The following IL17D variants were observed in gnomAD, a reference collection of about 807,000 sequenced individuals.
IL17D encodes interleukin-17D.
Under a neutral mutation model 5.7 loss-of-function variants are expected in IL17D, and 10 were observed. The observed-to-expected ratio is 1.75, with a 90% CI of 1.08 to 2.97. The LOEUF (loss-of-function observed/expected upper bound fraction) is 2.97. Among genes scored for constraint, IL17D ranks in the 30% most tolerant of loss-of-function variants. IL17D has a pLI of 0.00. For synonymous variants in IL17D, 172 were observed against 141.7 expected (o/e 1.21, Z -1.52); for missense variants, 354 against 292.7 (o/e 1.21, Z -1.53).
At chr13:20,701,902 C>G (rs538000598), upstream of IL17D, 1 of 152,172 alleles carries the variant, frequency 6.6e-6, no homozygotes, top group African/African-American at 2.4e-5. Context: ...CTTCCCACTT[C>G]CAAGGTAATC....
intron 1 of IL17D, among the ~76,000 whole-genome samples, chr13:20,708,512 G>A (rs1013330228): frequency 2.0e-5 from 3 of 152,160 alleles, no homozygotes; most frequent in African/African-American, 7.2e-5. Flanking sequence ...TGGAGTGGAG[G>A]AGGCCCTATT....
rs986955710 is a variant in IL17D, at chr13:20,722,897, C to G, written c.*943C>G. ...GCAGGTATTGGCTTAGTTGTAAGGGCTTTAGGATCAGGCTGAATATGAGGA... is the reference window on the plus strand; with the variant it reads ...GCAGGTATTGGCTTAGTTGTAAGGGGTTTAGGATCAGGCTGAATATGAGGA... On this transcript the variant is annotated 3_prime_UTR_variant, in exon 2 of 2. Transcript: ENST00000682841. 6.6e-6 allele frequency: 1 copy of G among 152,158 alleles called. No homozygotes were observed. Among genetic ancestry groups the G allele is most frequent in the Non-Finnish European group, 1.5e-5 (1 of 68,040 alleles). The allele number at this position is 152,158 out of a possible 1,614,324, so 9.4% of individuals were successfully genotyped here. A position where few individuals can be genotyped will look rare whatever the true frequency, so the allele number is the denominator to read the frequency against.
At chr13:20,711,188 G>C (rs886960554) in intron 1 of IL17D, among the ~76,000 whole-genome samples, 1 of 152,072 alleles carries the variant, frequency 6.6e-6, no homozygotes, top group South Asian at 2.1e-4. Context: ...CACTTGAACT[G>C]GGGAGGTGGA....
intron 1 of IL17D, among the ~76,000 whole-genome samples, chr13:20,710,548 G>A (rs1171403115): frequency 2.1e-5 from 3 of 139,838 alleles, no homozygotes; most frequent in Non-Finnish European, 4.6e-5. Flanking sequence ...AGAATCACTT[G>A]AACCTGGGAG....
In IL17D at chr13:20,703,723, G is replaced by C. The variant is rs2058562585; in HGVS notation, c.-279G>C. On this transcript the variant is annotated 5_prime_UTR_variant, in exon 1 of 2. Transcript: ENST00000682841. ...CACGCGCGCCCCGCACCCGCCCCCC[G>C]TGCGGCCCCCGGCTCGGGGCGGCGG... is the stretch of plus-strand genomic sequence containing the variant. The C allele has an allele frequency of 2.0e-5, 3 of 147,322 alleles. No homozygotes were observed. Among genetic ancestry groups the C allele is most frequent in the Admixed American group, 1.4e-4 (2 of 14,810 alleles). 9.1% of individuals were successfully genotyped at this position (147,322 alleles called of 1,614,324 possible). A position where few individuals can be genotyped will look rare whatever the true frequency, so the allele number is the denominator to read the frequency against.
In IL17D at chr13:20,722,987, C is replaced by T. The variant is rs1331283747; in HGVS notation, c.*1033C>T. Reference sequence around the variant, plus strand: ...AGGCTTCTGTTTCTGCATTCTGCCACGAGAGCTAGGTCCTTGATCTTTTCT... The same window carrying T: ...AGGCTTCTGTTTCTGCATTCTGCCATGAGAGCTAGGTCCTTGATCTTTTCT... On this transcript the variant is annotated 3_prime_UTR_variant, in exon 2 of 2. Coordinates refer to ENST00000682841, the MANE Select transcript of IL17D (RefSeq NM_001385224.1). 3.9e-5 allele frequency: 6 copies of T among 152,164 alleles called. No homozygotes were observed. The highest frequency in any genetic ancestry group is 5.9e-5 in the Non-Finnish European group (4 of 68,038). The allele number at this position is 152,164 out of a possible 1,614,324, so 9.4% of individuals were successfully genotyped here.
intron 1 of IL17D, among the ~76,000 whole-genome samples, chr13:20,718,328 C>T (rs995395135): frequency 2.0e-5 from 3 of 152,124 alleles, no homozygotes; most frequent in Admixed American, 1.3e-4. Flanking sequence ...CGTGTGAGCA[C>T]GCAACCTGTC....
rs1336966322 is a variant in IL17D, at chr13:20,721,710, G to A, written c.365G>A (p.Gly122Glu). Residue 122 changes from glycine to glutamate, a missense_variant, in exon 2 of 2, where the codon GGG (glycine) becomes GAG (glutamate). Physicochemically the swap from Gly to Glu is moderately conservative, Grantham distance 98. Transcript: ENST00000682841. ...AYCLCRGCLT[G>E]LFGEEDVRFR... ...TGCCTGTGCCGGGGCTGCCTGACCG[G>A]GCTGTTCGGCGAGGAGGACGTGCGC... 1.9e-6 allele frequency: 3 copies of A among 1,611,336 alleles called. No individual in the cohort carries two copies. The highest frequency in any genetic ancestry group is 2.5e-6 in the Non-Finnish European group (3 of 1,179,298).
chr13:20,719,425 AC>A (rs2058714543), intron 1 of IL17D, among the ~76,000 whole-genome samples: 1 of 137,322 alleles, frequency 7.3e-6, no homozygotes, highest in South Asian at 2.4e-4. Flanking sequence ...TCCCACACTC[AC>A]ACCTGACCAC....
At chr13:20,721,385 T>A (rs2058732804) in intron 1 of IL17D, among the ~76,000 whole-genome samples, 4 of 152,228 alleles carry the variant, frequency 2.6e-5, no homozygotes, top group Admixed American at 2.6e-4. Context: ...ATTTTATTTT[T>A]CTGCGCACAT....
Position 20,716,230 on chromosome 13 carries a change from C to A in IL17D, c.291-5406C>A. 3.5e-6 allele frequency: 1 copy of A among 286,894 alleles called. No homozygotes were observed. Among genetic ancestry groups the A allele is most frequent in the Non-Finnish European group, 5.2e-6 (1 of 191,296 alleles). The allele number at this position is 286,894 out of a possible 1,614,324, so 17.8% of individuals were successfully genotyped here. On this transcript the variant is annotated intron_variant, in intron 1 of 1. Coordinates refer to ENST00000682841, the MANE Select transcript of IL17D (RefSeq NM_001385224.1). This position sits in a 1 kb window ranked among gnomAD's most constrained non-coding sequence, Gnocchi z 4.2. ...AGGACGGCGGATGTCTTGGTATTAC[C>A]ATGGTTGTATAACGTCTTGAGATCT...
intron 1 of IL17D, among the ~76,000 whole-genome samples, chr13:20,708,603 T>C (rs182045570): frequency 6.6e-6 from 1 of 152,018 alleles, no homozygotes; most frequent in Non-Finnish European, 1.5e-5. Context: ...TTCTTCTTGG[T>C]AAAGTAAAAT....
intron 1 of IL17D, among the ~76,000 whole-genome samples, chr13:20,718,439 C>T (rs2058696308): frequency 6.7e-6 from 1 of 150,320 alleles, no homozygotes; most frequent in African/African-American, 2.5e-5. Context: ...TGCTCACACA[C>T]CCGCCCATGC....
At chr13:20,717,823 C>T (rs1009261428) in intron 1 of IL17D, among the ~76,000 whole-genome samples, 1 of 152,060 alleles carries the variant, frequency 6.6e-6, no homozygotes, top group Non-Finnish European at 1.5e-5. Context: ...ATTTCAGTCC[C>T]AAGTCCAGTG....
At chr13:20,704,582 A>T (rs1469474577) in intron 1 of IL17D, among the ~76,000 whole-genome samples, 2 of 151,040 alleles carry the variant, frequency 1.3e-5, no homozygotes, top group African/African-American at 4.9e-5. Context: ...ACTGGGGGGC[A>T]ATTCCTAAAC....
Position 20,703,961 on chromosome 13 carries a change from G to T in IL17D, c.-41G>T. On this transcript the variant is annotated 5_prime_UTR_variant, in exon 1 of 2. Transcript: ENST00000682841. The stretch of plus-strand genomic sequence containing the variant: ...CGCGGGGCGCAGGCGGGCTCCTCCG[G>T]CGCGTGCGGACGCTGAGCGTGGCCT... 1.0e-6 allele frequency: 1 copy of T among 996,022 alleles called. No individual in the cohort carries two copies. Among genetic ancestry groups the T allele is most frequent in the Non-Finnish European group, 1.2e-6 (1 of 837,408 alleles). The allele number at this position is 996,022 out of a possible 1,614,324, so 61.7% of individuals were successfully genotyped here.
chr13:20,705,299 A>G (rs2058582770), intron 1 of IL17D, among the ~76,000 whole-genome samples: 1 of 144,706 alleles, frequency 6.9e-6, no homozygotes, highest in African/African-American at 2.5e-5. Context: ...GGGGAGAGCC[A>G]CAAGGCGAGC....
chr13:20,708,206 C>T (rs2058605295), intron 1 of IL17D, among the ~76,000 whole-genome samples: 1 of 152,236 alleles, frequency 6.6e-6, no homozygotes, highest in African/African-American at 2.4e-5. Flanking sequence ...AGCCACCACG[C>T]CCTAAAGGCA....
chr13:20,712,745 C>G (rs974636704), intron 1 of IL17D: 3 of 151,964 alleles, frequency 2.0e-5, no homozygotes, highest in African/African-American at 7.2e-5. Context: ...TCTTGAGCAC[C>G]GGCTGGCGAA....
Sources: allele counts gnomAD v4.1 joint callset (sites outside exome capture counted in the v4.1 genomes callset), GRCh38; gene constraint gnomAD v4.1.1; non-coding constraint Gnocchi (gnomAD v3.1); transcripts MANE v1.5; gene names NCBI Gene and HGNC (gene_info 2026-07-23, HGNC 2026-07-21).